Variants in UBE4B observed in about 807,000 individuals in gnomAD.
The protein encoded by UBE4B is ubiquitin conjugation factor E4 B.
A neutral mutation model predicts 148.1 loss-of-function variants in UBE4B; 27 were observed. The observed-to-expected ratio is 0.18, with a 90% confidence interval of 0.13 to 0.25. UBE4B has a LOEUF of 0.25. UBE4B is among the 10% of genes least tolerant of loss of function. The pLI, the probability that UBE4B is intolerant of heterozygous loss-of-function variation, is 1.00. For synonymous variants in UBE4B, 596 were observed against 619.3 expected, an observed-to-expected ratio of 0.96 and a Z score of 0.56; for missense variants, 1,170 against 1,662.4, an observed-to-expected ratio of 0.70 and a Z score of 5.15.
At chr1:10,059,836 C>T (rs1428689331) in intron 1 of UBE4B, among the ~76,000 whole-genome samples, 1 of 152,106 alleles carries the variant, frequency 6.6e-6, no homozygotes, top group Non-Finnish European at 1.5e-5. Context: ...TTCACACAAT[C>T]AGAATGGCAC....
chr1:10,118,868 CTTTTTTTTTTTTTTTT>C (rs35822677), intron 8 of UBE4B, among the ~76,000 whole-genome samples: 8 of 23,090 alleles, frequency 3.5e-4, no homozygotes, highest in South Asian at 3.8e-3. Context: ...CCAGGCTGGT[CTTTTTTTTTTTTTTTT>C]TTTTTTTTTT....
At chr1:10,048,342 G>A (rs1418639321) in intron 1 of UBE4B, among the ~76,000 whole-genome samples, 1 of 152,184 alleles carries the variant, frequency 6.6e-6, no homozygotes, top group African/African-American at 2.4e-5. Flanking sequence ...ATGGAGATGT[G>A]AAATAGGTTG....
At chr1:10,144,904 G>C (rs779598640) in intron 17 of UBE4B, 36 bp from the exon 18 acceptor site, 15 of 1,531,340 alleles carry the variant, frequency 9.8e-6, no homozygotes, top group Non-Finnish European at 1.3e-5. Flanking sequence ...GGATCCGGCT[G>C]TTTTCTTTCA....
At chr1:10,061,411 C>T (rs1024639483) in intron 1 of UBE4B, among the ~76,000 whole-genome samples, 1 of 152,080 alleles carries the variant, frequency 6.6e-6, no homozygotes, top group Non-Finnish European at 1.5e-5. Context: ...TGCACCACCA[C>T]GCCCAGCTAA....
At chr1:10,064,308 A>G (rs1254849512) in intron 1 of UBE4B, among the ~76,000 whole-genome samples, 2 of 152,250 alleles carry the variant, frequency 1.3e-5, no homozygotes, top group East Asian at 3.8e-4. Context: ...GTTAGTGTAA[A>G]TGAATTTGAA....
intron 2 of UBE4B, among the ~76,000 whole-genome samples, chr1:10,081,156 G>A (rs1644673205): frequency 6.6e-6 from 1 of 152,100 alleles, no homozygotes; most frequent in Non-Finnish European, 1.5e-5. Context: ...TCTACCTCCT[G>A]GGTTCAAACG....
chr1:10,158,530 A>T (rs1308134536), intron 22 of UBE4B, 48 bp downstream of exon 22: 9 of 1,599,130 alleles, frequency 5.6e-6, no homozygotes, highest in Non-Finnish European at 6.0e-6. Context: ...TGCAAATCGC[A>T]GGTAGGATTG....
At chr1:10,075,173 G>C (rs937424539) in intron 2 of UBE4B, among the ~76,000 whole-genome samples, 9 of 152,010 alleles carry the variant, frequency 5.9e-5, no homozygotes, top group Admixed American at 5.9e-4. Flanking sequence ...TAGCACAAAA[G>C]CAGCCATAGA....
At chr1:10,055,565 C>T (rs1319592058) in intron 1 of UBE4B, among the ~76,000 whole-genome samples, 2 of 152,142 alleles carry the variant, frequency 1.3e-5, no homozygotes, top group Admixed American at 6.6e-5. Context: ...CCTTCCTCCA[C>T]CACACCCAGC....
At chr1:10,059,613 G>C (rs1386182788) in intron 1 of UBE4B, 1 of 197,680 alleles carries the variant, frequency 5.1e-6, no homozygotes. Flanking sequence ...AAGAGGCTGT[G>C]CATAAAGCCA....
intron 7 of UBE4B, chr1:10,107,211 T>G (rs1344112425): frequency 7.8e-7 from 1 of 1,289,642 alleles, no homozygotes; most frequent in Admixed American, 2.3e-5. Context: ...TTTTTGCTTT[T>G]GTTGTGGTAG....
In UBE4B at chr1:10,101,178, C is replaced by T. The variant is rs1014550088; in HGVS notation, c.418C>T (p.Arg140Trp). Reference sequence around the variant, plus strand: ...TGATGAAAATGATCGAAGAGAAAAGCGGAGCCTCAGTGATAAGGTTGGTAA... The same window carrying T: ...TGATGAAAATGATCGAAGAGAAAAGTGGAGCCTCAGTGATAAGGTTGGTAA... ...EVDENDRREK[R>W]SLSDKEPSSG... Residue 140 changes from arginine (R) to tryptophan (W), a missense_variant, in exon 4 of 28, where the codon CGG (arginine) becomes TGG (tryptophan). Arg to Trp is a moderately radical substitution (Grantham distance 101, BLOSUM62 -3). Around this residue, in one of 6 missense-constraint regions of UBE4B, gnomAD observed 91 missense variants for 120.5 expected, o/e 0.76. Transcript: ENST00000343090. 1.2e-5 allele frequency: 19 copies of T among 1,614,042 alleles called. No individual in the cohort carries two copies. The highest frequency in any genetic ancestry group is 1.6e-5 in the Non-Finnish European group (19 of 1,179,992).
chr1:10,050,052 T>C (rs2101791074), intron 1 of UBE4B, among the ~76,000 whole-genome samples: 1 of 152,250 alleles, frequency 6.6e-6, no homozygotes, highest in East Asian at 1.9e-4. Flanking sequence ...ATATGGGATA[T>C]TGGTAGCTGC....
Position 10,135,751 on chromosome 1 carries a change from A to AC in UBE4B, c.2224+566dup, listed in dbSNP as rs58753213. On this transcript the variant is annotated intron_variant, in intron 16 of 27. Coordinates refer to ENST00000343090, the MANE Select transcript of UBE4B (RefSeq NM_001105562.3). ...ACTCTGTCTCAAAAAAAAAAAAAAAACAGATACAAATTGAAAAAAAAAATC... is the reference window on the plus strand; with the variant it reads ...ACTCTGTCTCAAAAAAAAAAAAAAAACCAGATACAAATTGAAAAAAAAAATC... Among the ~76,000 whole-genome samples, 1,158 of 150,708 alleles carry AC rather than the reference A, an allele frequency of 7.7e-3. 9 individuals are homozygous for AC. The highest frequency in any genetic ancestry group is 0.017 in the African/African-American group (706 of 40,972).
chr1:10,038,000 G>A (rs532814052), intron 1 of UBE4B, among the ~76,000 whole-genome samples: 1 of 152,032 alleles, frequency 6.6e-6, no homozygotes, highest in Non-Finnish European at 1.5e-5. Context: ...GAAAGTGTTG[G>A]CCGGGCGCAG....
intron 11 of UBE4B, chr1:10,129,080 A>G (rs1202730278): frequency 3.6e-6 from 1 of 275,196 alleles, no homozygotes; most frequent in African/African-American, 2.1e-5. Flanking sequence ...AAAAACATAT[A>G]TAGATACAGT....
intron 1 of UBE4B, among the ~76,000 whole-genome samples, chr1:10,064,625 C>G (rs750838333): frequency 8.5e-5 from 13 of 152,142 alleles, no homozygotes; most frequent in Non-Finnish European, 1.9e-4. Context: ...ATCACCTCGT[C>G]TCTTTGTCAC....
At chr1:10,179,862 G>T in intron 27 of UBE4B, 33 bp from the exon 28 acceptor site, 1 of 1,610,906 alleles carries the variant, frequency 6.2e-7, no homozygotes. Context: ...CCTCCCATCT[G>T]GGGCATTAAT....
chr1:10,124,094 T>G (rs1219396762), intron 10 of UBE4B, among the ~76,000 whole-genome samples: 3 of 152,054 alleles, frequency 2.0e-5, no homozygotes, highest in Non-Finnish European at 4.4e-5. Flanking sequence ...CATTTTGAAG[T>G]GTACAATTCA....
Sources: gnomAD v4.1 joint callset for allele counts (sites outside exome capture counted in the v4.1 genomes callset) on GRCh38, gnomAD v4.1.1 for gene constraint, gnomAD v4.1.1 regional missense constraint, MANE v1.5 for transcripts, NCBI Gene and HGNC (gene_info 2026-07-23, HGNC 2026-07-21) for gene names.